The following DGKB variants were observed in gnomAD, a reference collection of about 807,000 sequenced individuals.
DGKB encodes the protein 90 kDa diacylglycerol kinase.
DGKB carries 67 observed loss-of-function variants against 114.3 expected under a neutral mutation model. The ratio of observed to expected loss-of-function variants is 0.59; its 90% CI spans 0.48 to 0.72. The LOEUF is 0.72. Among genes scored for constraint, DGKB ranks in the 30% least tolerant of loss-of-function variants. DGKB has a pLI of 0.00. For synonymous variants in DGKB, 398 were observed against 323.1 expected, an observed-to-expected ratio of 1.23 and a Z score of -2.49; for missense variants, 907 against 975.2, an observed-to-expected ratio of 0.93 and a Z score of 0.93.
intron 8 of DGKB, among the ~76,000 whole-genome samples, chr7:14,697,764 G>GAAAGAAAGAAAC (rs1563943294): frequency 7.4e-6 from 1 of 134,800 alleles, no homozygotes; most frequent in Admixed American, 7.9e-5. Context: ...AAGAAAGAAA[G>GAAAGAAAGAAAC]AAAGAAACAA....
chr7:14,915,095 G>A (rs1784177265), intron 1 of DGKB, among the ~76,000 whole-genome samples: 1 of 152,178 alleles, frequency 6.6e-6, no homozygotes, highest in Non-Finnish European at 1.5e-5. Flanking sequence ...GGCCAGGCAT[G>A]GTGGCTCACA....
At chr7:14,912,959 C>T (rs1366119449) in intron 1 of DGKB, among the ~76,000 whole-genome samples, 1 of 152,068 alleles carries the variant, frequency 6.6e-6, no homozygotes, top group Admixed American at 6.6e-5. Context: ...TATTCTCCAC[C>T]ATTTCTTTCC....
At chr7:14,472,390 G>A (rs541685810) in intron 21 of DGKB, among the ~76,000 whole-genome samples, 129 of 152,268 alleles carry the variant, frequency 8.5e-4, no homozygotes, top group Non-Finnish European at 1.5e-3. Flanking sequence ...CGTACAATGT[G>A]ACTTGTTCCT....
rs1491368517 is a variant in DGKB, at chr7:14,567,263, TTA to T, written c.1770+6947_1770+6948del. Among the ~76,000 whole-genome samples, 54 of 42,398 alleles carry T rather than the reference TTA, an allele frequency of 1.3e-3. 2 individuals are homozygous for T. Among genetic ancestry groups the T allele is most frequent in the African/African-American group, 4.2e-3 (43 of 10,128 alleles). 27.8% of individuals were successfully genotyped at this position (42,398 alleles called of 152,430 possible). The stretch of plus-strand genomic sequence containing the variant: ...ATTATATATATTATATATTTATATA[TTA>T]TATATATAATTATATTATATATATA... On this transcript the variant is annotated intron_variant, in intron 20 of 25. Coordinates refer to ENST00000402815, the MANE Select transcript of DGKB (RefSeq NM_001350709.2).
At chr7:14,179,566 C>T (rs1782327568) in intron 23 of DGKB, among the ~76,000 whole-genome samples, 1 of 152,112 alleles carries the variant, frequency 6.6e-6, no homozygotes, top group South Asian at 2.1e-4. Context: ...GCTCACTCCT[C>T]ACTAATGACT....
rs376747556 is a variant in DGKB at position 14,613,328 on chromosome 7, C to A, written c.1358+12G>T. 324 of 1,538,134 alleles carry A rather than the reference C, an allele frequency of 2.1e-4. No homozygotes were observed. Among genetic ancestry groups the A allele is most frequent in the Middle Eastern group, 3.4e-4 (2 of 5,952 alleles). Reference sequence around the variant, plus strand: ...ACATGACATAGACACTAAAATCAATCAAAAAACATACCGTTCTCCTTGTTT... The same window carrying A: ...ACATGACATAGACACTAAAATCAATAAAAAAACATACCGTTCTCCTTGTTT... On this transcript the variant is annotated intron_variant, in intron 16 of 25. Transcript: ENST00000402815.
chr7:14,628,038 G>A (rs772091615), intron 14 of DGKB, among the ~76,000 whole-genome samples: 10 of 151,906 alleles, frequency 6.6e-5, no homozygotes, highest in Non-Finnish European at 1.3e-4. Context: ...CATACTGACT[G>A]TCATCCACAG....
chr7:14,916,357 A>G (rs1181951815), intron 1 of DGKB, among the ~76,000 whole-genome samples: 1 of 152,088 alleles, frequency 6.6e-6, no homozygotes, highest in African/African-American at 2.4e-5. Context: ...TTATATAAAT[A>G]GTCATTTTTA....
intron 2 of DGKB, among the ~76,000 whole-genome samples, chr7:14,817,241 T>C (rs1013963980): frequency 4.6e-5 from 7 of 152,232 alleles, no homozygotes; most frequent in African/African-American, 1.7e-4. Context: ...TGAGATATTT[T>C]AGTTACTTCT....
chr7:14,525,399 C>T (rs1790483790), intron 20 of DGKB, among the ~76,000 whole-genome samples: 1 of 152,144 alleles, frequency 6.6e-6, no homozygotes. Context: ...TTGAGTTAGA[C>T]TTTTCTGGAA....
Position 14,338,553 on chromosome 7 carries a change from G to T in DGKB, c.2084C>A (p.Thr695Asn). Residue 695 changes from threonine (T) to asparagine (N), a missense_variant, in exon 23 of 26, where the codon ACC (threonine) becomes AAC (asparagine). Physicochemically the swap from Thr to Asn is moderately conservative, Grantham distance 65. Transcript: ENST00000402815. ...IEKKGSDKRT[T>N]VTDAKELKFA... ...CTTCAACTCTTTGGCATCTGTGACG[G>T]TGGTCCTTTTGTCAGACCCTTTTTT... The T allele has an allele frequency of 6.3e-7, 1 of 1,594,850 alleles. No homozygotes were observed. Among genetic ancestry groups the T allele is most frequent in the Non-Finnish European group, 8.5e-7 (1 of 1,171,638 alleles).
At chr7:14,568,809 C>G (rs145377182) in intron 20 of DGKB, among the ~76,000 whole-genome samples, 1 of 152,136 alleles carries the variant, frequency 6.6e-6, no homozygotes, top group Non-Finnish European at 1.5e-5. Flanking sequence ...TATTGTACAG[C>G]GCTAGCTGTC....
intron 2 of DGKB, among the ~76,000 whole-genome samples, chr7:14,803,528 T>C (rs934790794): frequency 6.6e-6 from 1 of 152,208 alleles, no homozygotes. Context: ...TTCTCATTTG[T>C]AAATTTTTGG....
At chr7:14,409,208 C>T (rs946105427) in intron 21 of DGKB, among the ~76,000 whole-genome samples, 16 of 152,048 alleles carry the variant, frequency 1.1e-4, no homozygotes, top group Non-Finnish European at 1.5e-4. Context: ...TAAAACTCCA[C>T]GTGATGCTAA....
chr7:14,149,533 T>G (rs1781872207), intron 25 of DGKB, among the ~76,000 whole-genome samples: 1 of 152,168 alleles, frequency 6.6e-6, no homozygotes, highest in Non-Finnish European at 1.5e-5. Flanking sequence ...ATTCCAGAAC[T>G]GCTTGCTTAG....
At chr7:14,198,870 C>A (rs186542039) in intron 23 of DGKB, among the ~76,000 whole-genome samples, 3 of 151,884 alleles carry the variant, frequency 2.0e-5, no homozygotes, top group Non-Finnish European at 2.9e-5. Flanking sequence ...AAGGACAGGG[C>A]GAACTGTGCA....
At chr7:14,617,454 C>T (rs1443711043) in intron 15 of DGKB, among the ~76,000 whole-genome samples, 2 of 151,564 alleles carry the variant, frequency 1.3e-5, no homozygotes, top group Non-Finnish European at 3.0e-5. Flanking sequence ...TCTCTACTTC[C>T]ACTGCTCCAT....
At chr7:14,573,477 G>A (rs1010408602) in intron 20 of DGKB, among the ~76,000 whole-genome samples, 1 of 143,196 alleles carries the variant, frequency 7.0e-6, no homozygotes, top group Admixed American at 6.8e-5. Flanking sequence ...CTGTGTGTGT[G>A]TGTGTGTGTG....
At chr7:14,652,918 T>C (rs951965830) in intron 13 of DGKB, among the ~76,000 whole-genome samples, 10 of 152,008 alleles carry the variant, frequency 6.6e-5, no homozygotes, top group African/African-American at 2.2e-4. Context: ...TCATCATCAC[T>C]GGCCATCAGA....
Sources: allele counts gnomAD v4.1 joint callset (sites outside exome capture counted in the v4.1 genomes callset), GRCh38; gene constraint gnomAD v4.1.1; transcripts MANE v1.5; gene names NCBI Gene and HGNC (gene_info 2026-07-23, HGNC 2026-07-21).